The following HECTD4 variants were observed in gnomAD, a reference collection of about 807,000 sequenced individuals.
HECTD4 encodes the protein HECT domain E3 ubiquitin protein ligase 4, also known as probable E3 ubiquitin-protein ligase HECTD4.
In HECTD4, 114 loss-of-function variants were observed where a neutral mutation model predicts 471.5. That is an observed-to-expected ratio of 0.24 (90% CI 0.21 to 0.28). The LOEUF is 0.28. HECTD4 is among the 10% of genes least tolerant of loss of function. HECTD4 has a pLI of 1.00. For synonymous variants in HECTD4, 2,012 were observed against 2,256.0 expected (o/e 0.89, Z 3.07); for missense variants, 3,866 against 5,651.5 (o/e 0.68, Z 10.13).
intron 1 of HECTD4, among the ~76,000 whole-genome samples, chr12:112,320,774 T>G (rs1158597753): frequency 6.6e-6 from 1 of 152,200 alleles, no homozygotes; most frequent in African/African-American, 2.4e-5. Flanking sequence ...AAGTTTTATC[T>G]CTGTTCTTCA....
At chr12:112,375,729 T>C (rs2036763457) in intron 1 of HECTD4, among the ~76,000 whole-genome samples, 2 of 152,162 alleles carry the variant, frequency 1.3e-5, no homozygotes, top group South Asian at 2.1e-4. Context: ...TTTTGAGTTA[T>C]TGCTTTTTTA....
Position 112,172,667 on chromosome 12 carries a change from A to G in HECTD4, c.11785+4T>C. ...GGGGAGGGGATAGGCCCAGGGCCAC[A>G]TACTCAGGAGACAGGCCACTCTGGG... On this transcript the variant is annotated splice_donor_region_variant and intron_variant, in intron 67 of 75. Coordinates refer to ENST00000682272, the MANE Select transcript of HECTD4 (RefSeq NM_001388303.1). 10 of 1,613,656 alleles carry G rather than the reference A, an allele frequency of 6.2e-6. No individual in the cohort carries two copies. The highest frequency in any genetic ancestry group is 8.5e-6 in the Non-Finnish European group (10 of 1,179,710).
chr12:112,201,041 T>A (rs569463306), intron 54 of HECTD4: 13 of 570,540 alleles, frequency 2.3e-5, no homozygotes, highest in South Asian at 2.1e-4. Context: ...ATAAACTTGC[T>A]ATGTGCTTTT....
At chr12:112,285,595 G>A (rs77846298) in intron 7 of HECTD4, among the ~76,000 whole-genome samples, 2,249 of 152,146 alleles carry the variant, frequency 0.015, 60 homozygotes, top group African/African-American at 0.052. Context: ...GGATCCACCT[G>A]CCTTGTTTGC....
intron 43 of HECTD4, among the ~76,000 whole-genome samples, chr12:112,227,710 C>T (rs2033278079): frequency 6.6e-6 from 1 of 151,954 alleles, no homozygotes; most frequent in African/African-American, 2.4e-5. Context: ...ACCATCTCGG[C>T]TCACTGCAAC....
At chr12:112,312,030 C>T (rs552337767) in intron 4 of HECTD4, among the ~76,000 whole-genome samples, 4 of 152,108 alleles carry the variant, frequency 2.6e-5, no homozygotes, top group Non-Finnish European at 4.4e-5. Context: ...CTGAGAGATG[C>T]GAGGGGGCCT....
At chr12:112,356,852 AT>A (rs1176687790) in intron 1 of HECTD4, among the ~76,000 whole-genome samples, 1 of 152,202 alleles carries the variant, frequency 6.6e-6, no homozygotes, top group African/African-American at 2.4e-5. Flanking sequence ...AGGCTTCCTG[AT>A]TAAAAAGAAT....
chr12:112,171,784 T>G (rs1479925418), intron 67 of HECTD4, among the ~76,000 whole-genome samples: 1 of 152,212 alleles, frequency 6.6e-6, no homozygotes, highest in African/African-American at 2.4e-5. Flanking sequence ...CAGGGCTCTG[T>G]GTCTGTTGCT....
chr12:112,334,413 C>G (rs1465133881), intron 1 of HECTD4, among the ~76,000 whole-genome samples: 1 of 150,872 alleles, frequency 6.6e-6, no homozygotes, highest in East Asian at 1.9e-4. Flanking sequence ...AAATGGCCAA[C>G]AAACATATGA....
chr12:112,171,562 A>G (rs957533573), intron 67 of HECTD4, among the ~76,000 whole-genome samples: 1 of 152,214 alleles, frequency 6.6e-6, no homozygotes, highest in South Asian at 2.1e-4. Context: ...TTGACTTACA[A>G]TTTTGAAATA....
intron 9 of HECTD4, among the ~76,000 whole-genome samples, chr12:112,275,640 A>G (rs972324207): frequency 2.0e-5 from 3 of 151,796 alleles, no homozygotes; most frequent in African/African-American, 7.3e-5. Context: ...ATATATATGT[A>G]TTAATTGCTA....
intron 1 of HECTD4, among the ~76,000 whole-genome samples, chr12:112,342,677 C>T (rs2036074138): frequency 6.6e-6 from 1 of 152,080 alleles, no homozygotes; most frequent in Non-Finnish European, 1.5e-5. Context: ...TTCTAGAACA[C>T]TGAAAAAAAC....
intron 1 of HECTD4, among the ~76,000 whole-genome samples, chr12:112,378,300 G>A (rs1462602642): frequency 6.6e-6 from 1 of 152,010 alleles, no homozygotes; most frequent in Non-Finnish European, 1.5e-5. Flanking sequence ...CTCACTGCAA[G>A]CTCCGCCTCC....
In HECTD4 at chr12:112,319,672, C is replaced by T; in HGVS notation, c.248G>A (p.Ser83Asn). The change falls in exon 2 of 76, where the codon AGC (serine) becomes AAC (asparagine). Residue 83 changes from serine to asparagine, a missense_variant. Ser to Asn is a conservative substitution (Grantham distance 46). Coordinates refer to ENST00000682272, the MANE Select transcript of HECTD4 (RefSeq NM_001388303.1). The surrounding 1 kb of genome is among the most constrained non-coding windows in gnomAD (Gnocchi z 5.3). The stretch of plus-strand genomic sequence containing the variant: ...TTCCAGCAGCCGGGCATAGGCATTG[C>T]TCTGATTCCCACAAACAGAGCGCAA... ...ERLRSVCGNQ[S>N]NAYARLLEYR... 1 of 1,333,090 alleles carries T rather than the reference C, an allele frequency of 7.5e-7. No individual in the cohort carries two copies. The highest frequency in any genetic ancestry group is 9.6e-7 in the Non-Finnish European group (1 of 1,045,672). 82.6% of individuals were successfully genotyped at this position (1,333,090 alleles called of 1,614,324 possible). A position where few individuals can be genotyped will look rare whatever the true frequency, so the allele number is the denominator to read the frequency against.
Position 112,345,752 on chromosome 12 carries a change from G to A in HECTD4, c.178-26010C>T, listed in dbSNP as rs1444333161. ...CTACTAAAAATACAAAAAATTAGCC[G>A]GGCATGGTGGCGGGCACCTGTAGTC... On this transcript the variant is annotated intron_variant, in intron 1 of 75. Transcript: ENST00000682272. Among the ~76,000 whole-genome samples the A allele has an allele frequency of 3.9e-5, 6 of 152,120 alleles. No individual in the cohort carries two copies. In the South Asian group the frequency reaches 6.2e-4, roughly 16 times the overall value.
rs749071903 is a variant in HECTD4, at chr12:112,239,460, G to A, written c.5106-224C>T. Among the ~76,000 whole-genome samples the A allele has an allele frequency of 2.0e-4, 30 of 152,140 alleles. No homozygotes were observed. Among genetic ancestry groups the A allele is most frequent in the Non-Finnish European group, 4.0e-4 (27 of 68,032 alleles). The stretch of plus-strand genomic sequence containing the variant: ...GGTTTGTTTATATACAGCAAAAATC[G>A]ATGGAATCAACTCAATGTTGCCATG... On this transcript the variant is annotated intron_variant, in intron 33 of 75. Transcript: ENST00000682272. This position sits in a 1 kb window ranked among gnomAD's most constrained non-coding sequence, Gnocchi z 4.9.
At chr12:112,258,629 G>C (rs757123350) in intron 19 of HECTD4, 33 bp from the exon 20 acceptor site, 1 of 1,540,172 alleles carries the variant, frequency 6.5e-7, no homozygotes, top group Non-Finnish European at 8.8e-7. Context: ...TGTCTTCCAG[G>C]GCTACTGTCA....
At chr12:112,321,983 C>T (rs996781180) in intron 1 of HECTD4, 6 of 151,612 alleles carry the variant, frequency 4.0e-5, no homozygotes, top group African/African-American at 1.5e-4. Flanking sequence ...CCTATACTTC[C>T]AGCTGCTTGG....
chr12:112,251,751 G>A (rs1369182006), intron 23 of HECTD4, among the ~76,000 whole-genome samples: 3 of 152,100 alleles, frequency 2.0e-5, no homozygotes, highest in Non-Finnish European at 4.4e-5. Context: ...GGATGCTTAA[G>A]TACTCTGTTT....
Sources: gnomAD v4.1 joint callset for allele counts (sites outside exome capture counted in the v4.1 genomes callset) on GRCh38, gnomAD v4.1.1 for gene constraint, Gnocchi (gnomAD v3.1) non-coding constraint, MANE v1.5 for transcripts, NCBI Gene and HGNC (gene_info 2026-07-23, HGNC 2026-07-21) for gene names.